Variants in MRPL2 observed in about 807,000 individuals in gnomAD.
MRPL2 encodes mitochondrial ribosomal protein L2, also known as large ribosomal subunit protein uL2m.
MRPL2 carries 27 observed loss-of-function variants against 34.6 expected under a neutral mutation model. The observed-to-expected ratio is 0.78, with a 90% confidence interval of 0.58 to 1.08. MRPL2 has a LOEUF of 1.08. MRPL2 is among the 50% of genes least tolerant of loss of function. MRPL2 has a pLI of 0.00. For synonymous variants in MRPL2, 155 were observed against 158.0 expected (o/e 0.98, Z 0.14); for missense variants, 414 against 419.3 (o/e 0.99, Z 0.11).
rs775633523 is a variant in MRPL2, at chr6:43,056,335, CCTT to C, written c.373_375del (p.Lys125del). 33 of 1,614,088 alleles carry C rather than the reference CCTT, an allele frequency of 2.0e-5. No homozygotes were observed. The highest frequency in any genetic ancestry group is 2.7e-5 in the African/African-American group (2 of 74,918). ...CAGGGATCATAGCGGACTTGGATAA[CCTT>C]CTCCTCAAAGGGTCCTGACTTGGTC... On this transcript the variant is annotated inframe_deletion, in exon 3 of 7. Coordinates refer to ENST00000388752, the MANE Select transcript of MRPL2 (RefSeq NM_015950.5).
rs768016706 is a variant in MRPL2 at position 43,054,249 on chromosome 6, G to GA, written c.*24_*25insT. ...GTAACAGATTAAAACGGGGGGGGGG[G>GA]GCATTTTATTAGAGTACAGGGATAT... On this transcript the variant is annotated 3_prime_UTR_variant, in exon 7 of 7. Transcript: ENST00000388752. The GA allele has an allele frequency of 4.4e-6, 6 of 1,378,644 alleles. No individual in the cohort carries two copies. The East Asian group carries it at 1.2e-4, about 27-fold the overall frequency. The allele number at this position is 1,378,644 out of a possible 1,614,324, so 85.4% of individuals were successfully genotyped here.
upstream of MRPL2, chr6:43,059,678 G>A (rs904357182): frequency 7.5e-7 from 1 of 1,339,674 alleles, no homozygotes. Context: ...CACACCGGCA[G>A]ATTGCAGGTG....
chr6:43,056,327 T>G lies in MRPL2; in HGVS notation c.384A>C (p.Gln128His), dbSNP rs1475056205. 6.2e-7 allele frequency: 1 copy of G among 1,614,106 alleles called. No homozygotes were observed. The change falls in exon 3 of 7, where the codon CAA becomes CAC. Residue 128 changes from glutamine to histidine, a missense_variant. Transcript: ENST00000388752. ...KSGPFEEKVI[Q>H]VRYDPCRSAD... ...CTTGCCTACAGGGATCATAGCGGAC[T>G]TGGATAACCTTCTCCTCAAAGGGTC...
At chr6:43,058,562 ATTC>A (rs1259222565) in intron 1 of MRPL2, among the ~76,000 whole-genome samples, 2 of 152,188 alleles carry the variant, frequency 1.3e-5, no homozygotes, top group African/African-American at 4.8e-5. Context: ...GTTTCTGGGA[ATTC>A]TTCACATATG....
Position 43,054,198 on chromosome 6 carries a change from C to CA in MRPL2, c.*75dup, listed in dbSNP as rs1288739533. The stretch of plus-strand genomic sequence containing the variant: ...AAAAAAAAAACAACAACAAAAAAAA[C>CA]AAAAAACACCCAAAACAAAACCACA... On this transcript the variant is annotated 3_prime_UTR_variant, in exon 7 of 7. Transcript: ENST00000388752. 1.9e-6 allele frequency: 2 copies of CA among 1,062,256 alleles called. No homozygotes were observed. The highest frequency in any genetic ancestry group is 1.3e-6 in the Non-Finnish European group (1 of 751,356). The allele number at this position is 1,062,256 out of a possible 1,614,324, so 65.8% of individuals were successfully genotyped here.
upstream of MRPL2, chr6:43,059,451 C>A: frequency 6.8e-7 from 1 of 1,472,628 alleles, no homozygotes; most frequent in Non-Finnish European, 9.0e-7. Flanking sequence ...CCGGCGCCGT[C>A]GCTCCGCAAT....
rs111832004 is a variant in MRPL2, at chr6:43,054,400, G to C, written c.792C>G (p.Arg264=). 2.0e-4 allele frequency: 324 copies of C among 1,614,240 alleles called. 1 individual carries two copies. Among genetic ancestry groups the C allele is most frequent in the Middle Eastern group, 4.9e-4 (3 of 6,062 alleles). Residue 264 remains arginine (R), a synonymous_variant, in exon 7 of 7, where the codon CGC becomes CGG. Coordinates refer to ENST00000388752, the MANE Select transcript of MRPL2 (RefSeq NM_015950.5). The part of the protein sequence containing the change: ...KRVIGKAGRN[R]WLGKRPNSGR... ...CACTGTTAGGCCTCTTGCCCAGCCAGCGGTTGCGACCTGCCTTGCCAATGA... is the reference window on the plus strand; with the variant it reads ...CACTGTTAGGCCTCTTGCCCAGCCACCGGTTGCGACCTGCCTTGCCAATGA...
intron 1 of MRPL2, among the ~76,000 whole-genome samples, chr6:43,058,699 C>T (rs1377350760): frequency 6.6e-6 from 1 of 152,200 alleles, no homozygotes; most frequent in African/African-American, 2.4e-5. Context: ...AGCCTGAAAG[C>T]TCCAGAGGAG....
chr6:43,058,998 T>C (rs1764985087), intron 1 of MRPL2: 1 of 754,520 alleles, frequency 1.3e-6, no homozygotes, highest in Non-Finnish European at 2.1e-6. Flanking sequence ...ATTTGAAACG[T>C]CTATTACCTA....
At chr6:43,059,085 T>TTA (rs1764990094) in intron 1 of MRPL2, 1 of 1,496,438 alleles carries the variant, frequency 6.7e-7, no homozygotes, top group South Asian at 1.3e-5. Context: ...CACTTTCACC[T>TTA]TAAGTATCTC....
At chr6:43,059,855 A>T (rs1765044848), upstream of MRPL2, 1 of 1,190,456 alleles carries the variant, frequency 8.4e-7, no homozygotes, top group Non-Finnish European at 1.0e-6. Flanking sequence ...AGACAGATAG[A>T]CAGACGACCT....
At position 43,055,404 on chromosome 6, in the gene MRPL2, T is replaced by C. The variant is rs540950059; in HGVS notation, c.705+141A>G. On this transcript the variant is annotated intron_variant, in intron 6 of 6. Transcript: ENST00000388752. ...TGGTGCCAATCCGACAAAGCACACC[T>C]GAGTCATGTGGCAGAAAAGGACAGC... The C allele has an allele frequency of 1.4e-5, 11 of 759,714 alleles. No homozygotes were observed. In the East Asian group the frequency reaches 2.3e-4, roughly 16 times the overall value. 47.1% of individuals were successfully genotyped at this position (759,714 alleles called of 1,614,324 possible).
chr6:43,059,267 C>T lies in MRPL2; in HGVS notation c.96+19G>A. 2 of 1,551,360 alleles carry T rather than the reference C, an allele frequency of 1.3e-6. No homozygotes were observed. The highest frequency in any genetic ancestry group is 1.7e-6 in the Non-Finnish European group (2 of 1,147,036). ...CAGCCCGAATGGAAGCAGCCTTCTT[C>T]CCGGGTAAGATGGATTACCTGGGCG... is the stretch of plus-strand genomic sequence containing the variant. On this transcript the variant is annotated intron_variant, in intron 1 of 6. Transcript: ENST00000388752.
rs1764893389 is a variant in MRPL2, at chr6:43,056,857, G to A, written c.266-412C>T. ...GCCCAGCTAAGTTTTTGTATTTTTAGTAGAGACGGGTTTCACTGTGTTAGC... is the reference window on the plus strand; with the variant it reads ...GCCCAGCTAAGTTTTTGTATTTTTAATAGAGACGGGTTTCACTGTGTTAGC... On this transcript the variant is annotated intron_variant, in intron 2 of 6. Transcript: ENST00000388752. Among the ~76,000 whole-genome samples, 4 of 151,968 alleles carry A rather than the reference G, an allele frequency of 2.6e-5. No individual in the cohort carries two copies. The South Asian group carries it at 6.2e-4, about 24-fold the overall frequency.
At chr6:43,055,508 T>C in intron 6 of MRPL2, 37 bp downstream of exon 6, 1 of 1,599,044 alleles carries the variant, frequency 6.3e-7, no homozygotes, top group Non-Finnish European at 8.5e-7. Flanking sequence ...CAAAAATTCC[T>C]CCTTTGCTGA....
intron 6 of MRPL2, 95 bp from the exon 7 acceptor site, chr6:43,054,581 G>C: frequency 2.9e-6 from 3 of 1,032,310 alleles, no homozygotes; most frequent in East Asian, 5.1e-5. Context: ...TAGACTCAAG[G>C]AGAGAAGGGC....
chr6:43,054,308 T>A lies in MRPL2; in HGVS notation c.884A>T (p.Tyr295Phe). ...KIRPLPPMKS[Y>F]VKLPSASAQS is the part of the protein sequence containing the mutation. Reference sequence around the variant, plus strand: ...GGCAGAAGCAGAAGGCAGCTTCACGTAACTCTTCATGGGGGGTAGTGGCCG... The same window carrying A: ...GGCAGAAGCAGAAGGCAGCTTCACGAAACTCTTCATGGGGGGTAGTGGCCG... The change falls in exon 7 of 7, where the codon TAC becomes TTC. Residue 295 changes from tyrosine (Y) to phenylalanine (F), a missense_variant. Tyr to Phe is a conservative substitution (Grantham distance 22). Transcript: ENST00000388752. 6.2e-7 allele frequency: 1 copy of A among 1,609,464 alleles called. No individual in the cohort carries two copies. The highest frequency in any genetic ancestry group is 8.5e-7 in the Non-Finnish European group (1 of 1,178,808).
In MRPL2 at chr6:43,054,250, G is replaced by GC; in HGVS notation, c.*23dup. The GC allele has an allele frequency of 2.4e-6, 3 of 1,270,486 alleles. No individual in the cohort carries two copies. The highest frequency in any genetic ancestry group is 3.3e-6 in the Non-Finnish European group (3 of 917,044). 78.7% of individuals were successfully genotyped at this position (1,270,486 alleles called of 1,614,324 possible). A position where few individuals can be genotyped will look rare whatever the true frequency, so the allele number is the denominator to read the frequency against. Reference sequence around the variant, plus strand: ...TAACAGATTAAAACGGGGGGGGGGGGCATTTTATTAGAGTACAGGGATATC... The same window carrying GC: ...TAACAGATTAAAACGGGGGGGGGGGGCCATTTTATTAGAGTACAGGGATATC... On this transcript the variant is annotated 3_prime_UTR_variant, in exon 7 of 7. Transcript: ENST00000388752.
chr6:43,054,249 G>C lies in MRPL2; in HGVS notation c.*25C>G, dbSNP rs377309394. On this transcript the variant is annotated 3_prime_UTR_variant, in exon 7 of 7. Coordinates refer to ENST00000388752, the MANE Select transcript of MRPL2 (RefSeq NM_015950.5). ...GTAACAGATTAAAACGGGGGGGGGG[G>C]GCATTTTATTAGAGTACAGGGATAT... 1,343 of 1,378,530 alleles carry C rather than the reference G, an allele frequency of 9.7e-4. 14 individuals carry two copies. The highest frequency in any genetic ancestry group is 1.2e-3 in the Non-Finnish European group (1,243 of 1,008,130). The allele number at this position is 1,378,530 out of a possible 1,614,324, so 85.4% of individuals were successfully genotyped here. A position where few individuals can be genotyped will look rare whatever the true frequency, so the allele number is the denominator to read the frequency against.
Sources: gnomAD v4.1 joint callset for allele counts (sites outside exome capture counted in the v4.1 genomes callset) on GRCh38, gnomAD v4.1.1 for gene constraint, MANE v1.5 for transcripts, NCBI Gene and HGNC (gene_info 2026-07-23, HGNC 2026-07-21) for gene names.